Variants in TYW3 observed in about 807,000 individuals in gnomAD.
The protein encoded by TYW3 is tRNA-yW synthesizing protein 3 homolog.
A neutral mutation model predicts 23.1 loss-of-function variants in TYW3; 26 were observed. That is an observed-to-expected ratio of 1.13 (90% CI 0.83 to 1.56). TYW3 has a LOEUF of 1.56. Ranked by LOEUF, TYW3 falls within the 40% of genes most tolerant of loss-of-function variation. The pLI, the probability that TYW3 is intolerant of heterozygous loss-of-function variation, is 0.00. For missense variants in TYW3, 316 were observed against 311.9 expected (o/e 1.01, Z -0.10); for synonymous variants, 102 against 105.7 (o/e 0.97, Z 0.21).
chr1:74,761,152 T>C (rs908020503), intron 5 of TYW3, among the ~76,000 whole-genome samples: 3 of 152,162 alleles, frequency 2.0e-5, no homozygotes, highest in African/African-American at 7.2e-5. Flanking sequence ...GGCTTAAGTG[T>C]TACTGTATAA....
intron 4 of TYW3, 120 bp downstream of exon 4, chr1:74,748,942 C>A: frequency 1.1e-6 from 1 of 911,246 alleles, no homozygotes; most frequent in Non-Finnish European, 1.7e-6. Context: ...TTCTCTTACT[C>A]ATAAACCCTC....
intron 5 of TYW3, among the ~76,000 whole-genome samples, chr1:74,753,353 A>G (rs1557748808): frequency 1.3e-5 from 2 of 152,222 alleles, no homozygotes; most frequent in African/African-American, 4.8e-5. Context: ...CTGCTAAGCC[A>G]TTCTTTATCA....
chr1:74,743,169 T>G (rs1240922800), intron 3 of TYW3, among the ~76,000 whole-genome samples: 1 of 152,180 alleles, frequency 6.6e-6, no homozygotes, highest in Admixed American at 6.5e-5. Flanking sequence ...TTGGACAATC[T>G]TTTTTAAGGT....
rs1477372873 is a variant in TYW3 at position 74,733,323 on chromosome 1, G to A, written c.79G>A (p.Asp27Asn). ...KADLSRKGSV[D>N]EDVVELVQFL... ...GGACCTCAGCCGGAAGGGCAGTGTT[G>A]ACGAGGATGTGGTAGAGCTTGTGCA... Residue 27 changes from aspartate (D) to asparagine (N), a missense_variant, in exon 1 of 6, where the codon GAC becomes AAC. By Grantham distance (23) the Asp-to-Asn change is conservative. Coordinates refer to ENST00000370867, the MANE Select transcript of TYW3 (RefSeq NM_138467.3). The A allele has an allele frequency of 6.2e-7, 1 of 1,614,230 alleles. No homozygotes were observed. Among genetic ancestry groups the A allele is most frequent in the South Asian group, 1.1e-5 (1 of 91,086 alleles).
intron 3 of TYW3, among the ~76,000 whole-genome samples, chr1:74,739,296 A>G (rs1348713983): frequency 1.3e-5 from 2 of 152,194 alleles, no homozygotes; most frequent in Non-Finnish European, 2.9e-5. Flanking sequence ...GTGATGAACA[A>G]GATTAAAGAC....
At chr1:74,755,464 T>G (rs145783582) in intron 5 of TYW3, among the ~76,000 whole-genome samples, 368 of 152,358 alleles carry the variant, frequency 2.4e-3, no homozygotes, top group African/African-American at 8.2e-3. Flanking sequence ...CTATTTTACT[T>G]CGTTAATGTA....
chr1:74,762,904 G>A (rs1649176203), intron 5 of TYW3, among the ~76,000 whole-genome samples: 1 of 152,066 alleles, frequency 6.6e-6, no homozygotes, highest in Non-Finnish European at 1.5e-5. Context: ...GGTTTTCAGA[G>A]AGCCTACAGT....
chr1:74,754,829 A>G (rs1425846853), intron 5 of TYW3, among the ~76,000 whole-genome samples: 1 of 152,070 alleles, frequency 6.6e-6, no homozygotes, highest in African/African-American at 2.4e-5. Context: ...CAAGCAGCAG[A>G]CTGCTTTATA....
chr1:74,738,823 G>A, intron 3 of TYW3, 35 bp downstream of exon 3: 1 of 1,523,428 alleles, frequency 6.6e-7, no homozygotes, highest in Non-Finnish European at 9.1e-7. Flanking sequence ...TGAATTTATA[G>A]ATATGTGGGT....
intron 3 of TYW3, among the ~76,000 whole-genome samples, chr1:74,746,946 T>A (rs1648583880): frequency 6.6e-6 from 1 of 151,856 alleles, no homozygotes; most frequent in South Asian, 2.1e-4. Flanking sequence ...ACAGCAAAAA[T>A]AAAGAAGTTG....
intron 2 of TYW3, among the ~76,000 whole-genome samples, chr1:74,736,856 G>T (rs1486380837): frequency 1.3e-5 from 2 of 152,168 alleles, no homozygotes; most frequent in Non-Finnish European, 2.9e-5. Context: ...ACAGCAGAAA[G>T]TTCATGGATA....
In TYW3 at chr1:74,733,226, G is replaced by C; in HGVS notation, c.-19G>C. On this transcript the variant is annotated 5_prime_UTR_variant, in exon 1 of 6. Coordinates refer to ENST00000370867, the MANE Select transcript of TYW3 (RefSeq NM_138467.3). ...GGCTACCATGAAGGAGCCGAGCGCA[G>C]ACCCTGAGTCCGTCACCCATGGATC... The C allele has an allele frequency of 1.9e-6, 3 of 1,612,934 alleles. No homozygotes were observed. The highest frequency in any genetic ancestry group is 2.5e-6 in the Non-Finnish European group (3 of 1,179,360).
chr1:74,733,477 T>A, intron 1 of TYW3, 59 bp downstream of exon 1: 1 of 1,591,018 alleles, frequency 6.3e-7, no homozygotes, highest in Non-Finnish European at 8.6e-7. Flanking sequence ...TCAGGAGCCC[T>A]GTTCCCATCC....
At chr1:74,738,621 G>A (rs1648235206) in intron 2 of TYW3, 69 bp from the exon 3 acceptor site, 7 of 1,005,672 alleles carry the variant, frequency 7.0e-6, no homozygotes, top group Non-Finnish European at 7.0e-6. Context: ...TTGAAGTTAT[G>A]TATGGGGTAA....
rs1480372138 is a variant in TYW3, at chr1:74,736,595, A to G, written c.228A>G (p.Thr76=). Residue 76 remains threonine (T), a synonymous_variant, in exon 2 of 6, where the codon ACA becomes ACG. Coordinates refer to ENST00000370867, the MANE Select transcript of TYW3 (RefSeq NM_138467.3). ...AAAACTGTTGCTGGCTACTGGTTAC[A>G]CACAAACTTTGTGTAAAAGATGATG... ...QKQNCCWLLV[T]HKLCVKDDVI... The G allele has an allele frequency of 2.5e-6, 4 of 1,604,022 alleles. No homozygotes were observed. The highest frequency in any genetic ancestry group is 2.2e-5 in the East Asian group (1 of 44,504).
intron 4 of TYW3, 139 bp from the exon 5 acceptor site, chr1:74,752,153 A>C: frequency 2.5e-6 from 2 of 805,714 alleles, no homozygotes; most frequent in Non-Finnish European, 3.6e-6. Context: ...TGCTCAGCTA[A>C]ATTCTATCAA....
At chr1:74,740,851 C>G (rs964967921) in intron 3 of TYW3, among the ~76,000 whole-genome samples, 1 of 152,154 alleles carries the variant, frequency 6.6e-6, no homozygotes, top group African/African-American at 2.4e-5. Flanking sequence ...TTGCAGTCCT[C>G]TAGCTAGACA....
Position 74,758,355 on chromosome 1 carries a change from T to A in TYW3, c.561-5539T>A, listed in dbSNP as rs150765302. On this transcript the variant is annotated intron_variant, in intron 5 of 5. Coordinates refer to ENST00000370867, the MANE Select transcript of TYW3 (RefSeq NM_138467.3). ...CTCTCACCAGCTTTTCCTTAATATG[T>A]TTCTTACCTTATTCTAAATCCCCCA... is the stretch of plus-strand genomic sequence containing the variant. Among the ~76,000 whole-genome samples, 472 of 152,352 alleles carry A rather than the reference T, an allele frequency of 3.1e-3. 1 individual carries two copies. Among genetic ancestry groups the A allele is most frequent in the African/African-American group, 0.01 (429 of 41,590 alleles).
At chr1:74,746,087 C>T (rs535065052) in intron 3 of TYW3, among the ~76,000 whole-genome samples, 7 of 152,292 alleles carry the variant, frequency 4.6e-5, no homozygotes, top group Admixed American at 1.3e-4. Context: ...CAATTCAGTC[C>T]GTAAAAACAC....
Sources: allele counts gnomAD v4.1 joint callset (sites outside exome capture counted in the v4.1 genomes callset), GRCh38; gene constraint gnomAD v4.1.1; transcripts MANE v1.5; gene names NCBI Gene and HGNC (gene_info 2026-07-23, HGNC 2026-07-21).